DYNLT2B: variants seen among roughly 807,000 people sequenced by gnomAD.
DYNLT2B encodes dynein light chain Tctex-type protein 2B.
In DYNLT2B, 14 loss-of-function variants were observed where a neutral mutation model predicts 19.5. The ratio of observed to expected loss-of-function variants is 0.72; its 90% CI spans 0.47 to 1.12. The LOEUF (loss-of-function observed/expected upper bound fraction) is 1.12. Ranked by LOEUF, DYNLT2B falls within the 50% of genes most tolerant of loss-of-function variation. The pLI is 0.00. For missense variants in DYNLT2B, 133 were observed against 174.7 expected (o/e 0.76, Z 1.35); for synonymous variants, 70 against 59.7 (o/e 1.17, Z -0.79).
intron 2 of DYNLT2B, among the ~76,000 whole-genome samples, chr3:196,314,429 C>A (rs1334045314): frequency 1.3e-5 from 2 of 148,462 alleles, no homozygotes; most frequent in Non-Finnish European, 3.0e-5. Context: ...CACCACTGCA[C>A]TCCAGCCTGG....
At chr3:196,306,229 G>A (rs1405116360) in intron 3 of DYNLT2B, among the ~76,000 whole-genome samples, 1 of 141,650 alleles carries the variant, frequency 7.1e-6, no homozygotes, top group East Asian at 2.2e-4. Context: ...CTGGCCAACA[G>A]AGTGTGACCC....
chr3:196,291,869 T>A (rs1302945848), intron 4 of DYNLT2B, among the ~76,000 whole-genome samples: 2 of 152,214 alleles, frequency 1.3e-5, no homozygotes, highest in Non-Finnish European at 2.9e-5. Context: ...TGAGGGTGAC[T>A]ACAAAATTGC....
At chr3:196,299,632 C>T (rs1726302286) in intron 3 of DYNLT2B, among the ~76,000 whole-genome samples, 1 of 151,936 alleles carries the variant, frequency 6.6e-6, no homozygotes, top group Non-Finnish European at 1.5e-5. Flanking sequence ...GTTTTCTTTT[C>T]AAGACATGCT....
chr3:196,317,144 ATTT>A (rs1174125788), intron 1 of DYNLT2B, among the ~76,000 whole-genome samples: 2 of 68,494 alleles, frequency 2.9e-5, no homozygotes, highest in African/African-American at 1.3e-4. Context: ...TGAGCCTGAC[ATTT>A]TTTTTCAGTG....
chr3:196,291,935 T>G (rs1726105390), intron 4 of DYNLT2B, among the ~76,000 whole-genome samples: 5 of 152,230 alleles, frequency 3.3e-5, no homozygotes, highest in Admixed American at 3.3e-4. Flanking sequence ...AAAAATAAAA[T>G]GTGAACTAAT....
At chr3:196,304,329 C>T (rs946521486) in intron 3 of DYNLT2B, among the ~76,000 whole-genome samples, 6 of 151,990 alleles carry the variant, frequency 3.9e-5, no homozygotes, top group Non-Finnish European at 7.4e-5. Context: ...GACAGGGTTT[C>T]GCCAGGTTGG....
chr3:196,297,996 G>C (rs1356562833), intron 3 of DYNLT2B: 1 of 160,806 alleles, frequency 6.2e-6, no homozygotes, highest in Non-Finnish European at 1.4e-5. Context: ...TTTTCAGCTT[G>C]CTATAGTAAG....
At chr3:196,307,243 G>C (rs897370163) in intron 2 of DYNLT2B, among the ~76,000 whole-genome samples, 1 of 152,114 alleles carries the variant, frequency 6.6e-6, no homozygotes, top group Non-Finnish European at 1.5e-5. Context: ...TATTAAACAG[G>C]AATATCAGTA....
intron 3 of DYNLT2B, among the ~76,000 whole-genome samples, chr3:196,306,222 G>A (rs563209254): frequency 6.8e-5 from 10 of 148,052 alleles, no homozygotes; most frequent in African/African-American, 2.2e-4. Flanking sequence ...GACCAGACTG[G>A]CCAACAGAGT....
chr3:196,298,622 T>C (rs2108791515), intron 3 of DYNLT2B, among the ~76,000 whole-genome samples: 1 of 151,402 alleles, frequency 6.6e-6, no homozygotes, highest in East Asian at 2.0e-4. Context: ...AATGGTACAG[T>C]TTGTAGCAGG....
intron 2 of DYNLT2B, among the ~76,000 whole-genome samples, chr3:196,314,762 A>T (rs1205181956): frequency 6.6e-6 from 1 of 152,056 alleles, no homozygotes; most frequent in Admixed American, 6.6e-5. Context: ...TCAAGGCTGC[A>T]GTGAGCCATG....
intron 2 of DYNLT2B, among the ~76,000 whole-genome samples, chr3:196,309,063 A>C (rs1231131560): frequency 6.6e-6 from 1 of 152,218 alleles, no homozygotes; most frequent in Non-Finnish European, 1.5e-5. Context: ...ACAAAATGAA[A>C]TGCAGCCAAA....
intron 2 of DYNLT2B, among the ~76,000 whole-genome samples, chr3:196,312,571 G>A (rs1726671029): frequency 6.6e-6 from 1 of 151,968 alleles, no homozygotes. Context: ...TGATTCCCCT[G>A]CCTCAGCCTC....
At chr3:196,315,488 C>T (rs1459841891) in intron 2 of DYNLT2B, among the ~76,000 whole-genome samples, 2 of 151,626 alleles carry the variant, frequency 1.3e-5, no homozygotes, top group Non-Finnish European at 2.9e-5. Flanking sequence ...GTCTCAATCT[C>T]CTGACCTCGT....
At chr3:196,297,556 A>G (rs577211009) in intron 3 of DYNLT2B, among the ~76,000 whole-genome samples, 2 of 147,948 alleles carry the variant, frequency 1.4e-5, no homozygotes, top group East Asian at 2.4e-4. Context: ...ATAATAAGTG[A>G]AAAAAAAATT....
At chr3:196,301,595 C>A (rs1326591703) in intron 3 of DYNLT2B, among the ~76,000 whole-genome samples, 1 of 152,044 alleles carries the variant, frequency 6.6e-6, no homozygotes, top group Non-Finnish European at 1.5e-5. Context: ...CACCAGTAAT[C>A]CCAATTACTC....
rs1470345631 is a variant in DYNLT2B at position 196,306,959 on chromosome 3, T to C, written c.301A>G (p.Arg101Gly). 1 of 1,614,064 alleles carries C rather than the reference T, an allele frequency of 6.2e-7. No homozygotes were observed. Among genetic ancestry groups the C allele is most frequent in the South Asian group, 1.1e-5 (1 of 91,076 alleles). ...GCTACTCACAATACTCCTTCACCTC[T>C]TTGTTCTCCAATCACTACTTGCACC... The part of the protein sequence containing the change: ...MVVQVVIGEQ[R>G]GEGVFMASRC... The change falls in exon 3 of 5, where the codon AGA becomes GGA. Residue 101 changes from arginine to glycine, a missense_variant. Coordinates refer to ENST00000325318, the MANE Select transcript of DYNLT2B (RefSeq NM_152773.5).
chr3:196,296,376 A>C, intron 3 of DYNLT2B: 1 of 226,598 alleles, frequency 4.4e-6, no homozygotes. Flanking sequence ...TAATGAGCTC[A>C]GCTCCTGCAC....
At chr3:196,310,268 ATT>A (rs59708062) in intron 2 of DYNLT2B, among the ~76,000 whole-genome samples, 9 of 142,168 alleles carry the variant, frequency 6.3e-5, no homozygotes, top group Non-Finnish European at 7.7e-5. Flanking sequence ...CGCTCGGCTA[ATT>A]TTTTTTTTTT....
Sources: allele counts gnomAD v4.1 joint callset (sites outside exome capture counted in the v4.1 genomes callset), GRCh38; gene constraint gnomAD v4.1.1; transcripts MANE v1.5; gene names NCBI Gene and HGNC (gene_info 2026-07-23, HGNC 2026-07-21).